The following ASIC2 variants were observed in gnomAD, a reference collection of about 807,000 sequenced individuals.
ASIC2 encodes acid-sensing ion channel 2.
ASIC2 carries 25 observed loss-of-function variants against 57.3 expected under a neutral mutation model. The ratio of observed to expected loss-of-function variants is 0.44; its 90% CI spans 0.32 to 0.61. ASIC2 has a LOEUF of 0.61. Ranked by LOEUF, ASIC2 falls within the 20% of genes least tolerant of loss-of-function variation. The pLI is 0.06. For missense variants in ASIC2, 641 were observed against 738.1 expected, an observed-to-expected ratio of 0.87 and a Z score of 1.52; for synonymous variants, 319 against 307.5, an observed-to-expected ratio of 1.04 and a Z score of -0.39.
At chr17:33,967,589 C>A (rs1213890471) in intron 1 of ASIC2, among the ~76,000 whole-genome samples, 1 of 152,174 alleles carries the variant, frequency 6.6e-6, no homozygotes, top group Non-Finnish European at 1.5e-5. Context: ...TTCAGTTACA[C>A]CCCACTGTTA....
At chr17:33,823,984 A>G (rs1912830835) in intron 1 of ASIC2, among the ~76,000 whole-genome samples, 1 of 152,120 alleles carries the variant, frequency 6.6e-6, no homozygotes, top group African/African-American at 2.4e-5. Flanking sequence ...GCTAAAACTG[A>G]GGAGAGTGGA....
chr17:34,113,578 GGAA>G (rs896375821), intron 1 of ASIC2, among the ~76,000 whole-genome samples: 4 of 149,982 alleles, frequency 2.7e-5, no homozygotes, highest in East Asian at 4.0e-4. Context: ...AAAAAAAAAA[GGAA>G]GAAGATGAAA....
intron 1 of ASIC2, among the ~76,000 whole-genome samples, chr17:33,526,148 T>A (rs1438672876): frequency 6.6e-6 from 1 of 152,184 alleles, no homozygotes; most frequent in Non-Finnish European, 1.5e-5. Flanking sequence ...TGTCAGGGAC[T>A]TCACATATCC....
chr17:33,458,205 G>GA (rs748899972), intron 1 of ASIC2, among the ~76,000 whole-genome samples: 1 of 152,156 alleles, frequency 6.6e-6, no homozygotes, highest in Non-Finnish European at 1.5e-5. Context: ...TGGGGAACAA[G>GA]AAACTAAGAA....
At chr17:33,717,184 T>C (rs186522267) in intron 1 of ASIC2, among the ~76,000 whole-genome samples, 1,639 of 152,204 alleles carry the variant, frequency 0.011, 10 homozygotes, top group Middle Eastern at 0.075. Context: ...ACAAAAAGGG[T>C]GTAATTACCA....
At chr17:33,054,249 G>GGGGA (rs2091988990) in intron 3 of ASIC2, among the ~76,000 whole-genome samples, 1 of 152,070 alleles carries the variant, frequency 6.6e-6, no homozygotes, top group Non-Finnish European at 1.5e-5. Flanking sequence ...TAAGCTTTTT[G>GGGGA]GGGAGGTAGG....
chr17:33,193,245 A>G (rs8079023), intron 1 of ASIC2, among the ~76,000 whole-genome samples: 42,013 of 151,922 alleles, frequency 0.28, 8,473 homozygotes, highest in African/African-American at 0.55. Context: ...GGATGAATCC[A>G]GAGATTAGGG....
intron 3 of ASIC2, among the ~76,000 whole-genome samples, chr17:33,051,653 C>T (rs753531998): frequency 2.0e-4 from 31 of 152,144 alleles, no homozygotes; most frequent in Non-Finnish European, 4.6e-4. Flanking sequence ...TAGTGAACTT[C>T]TTTGAGTATC....
Position 33,206,988 on chromosome 17 carries a change from T to C in ASIC2, c.708+84420A>G, listed in dbSNP as rs543878658. On this transcript the variant is annotated intron_variant, in intron 1 of 9. Coordinates refer to ENST00000225823, the MANE Select transcript of ASIC2 (RefSeq NM_183377.2). The stretch of plus-strand genomic sequence containing the variant: ...AGCAGCATCACTCCCCTGCCCTTTT[T>C]CTGAGGCTTTGTTTCCTCATCTGTC... 6.6e-5 allele frequency among the ~76,000 whole-genome samples: 10 copies of C among 152,330 alleles called. No individual in the cohort carries two copies. The South Asian group carries it at 1.9e-3, about 28-fold the overall frequency.
chr17:33,746,423 C>T (rs12326019), intron 1 of ASIC2, among the ~76,000 whole-genome samples: 4 of 134,040 alleles, frequency 3.0e-5, no homozygotes, highest in South Asian at 5.0e-4. Flanking sequence ...TCTGTAGATA[C>T]GTATATGAAT....
chr17:33,152,445 T>C (rs909228686), intron 1 of ASIC2, among the ~76,000 whole-genome samples: 2 of 152,176 alleles, frequency 1.3e-5, no homozygotes, highest in African/African-American at 4.8e-5. Flanking sequence ...GGTCTGAGTC[T>C]GGCCTCAAAG....
chr17:33,591,678 T>C (rs1039139539), intron 1 of ASIC2, among the ~76,000 whole-genome samples: 5 of 152,138 alleles, frequency 3.3e-5, no homozygotes, highest in African/African-American at 4.8e-5. Flanking sequence ...TCTCAGATCT[T>C]ATGTCTTGAC....
At chr17:33,069,748 T>G (rs535782248) in intron 3 of ASIC2, among the ~76,000 whole-genome samples, 1 of 152,352 alleles carries the variant, frequency 6.6e-6, no homozygotes, top group South Asian at 2.1e-4. Flanking sequence ...ATACATTTTT[T>G]CTGGGTAACC....
At position 33,588,601 on chromosome 17, in the gene ASIC2, C is replaced by T. The variant is rs183189619; in HGVS notation, c.556-476534G>A. Among the ~76,000 whole-genome samples the T allele has an allele frequency of 1.1e-3, 163 of 152,222 alleles. 1 individual carries two copies. The highest frequency in any genetic ancestry group is 7.3e-4 in the Non-Finnish European group (50 of 68,028). On this transcript the variant is annotated intron_variant, in intron 1 of 9. Transcript: ENST00000359872. Reference sequence around the variant, plus strand: ...CTCCTGCTCTCTTGAAGCTTACTGTCGAATGGGGAAGACAGAAAGAGTAAA... The same window carrying T: ...CTCCTGCTCTCTTGAAGCTTACTGTTGAATGGGGAAGACAGAAAGAGTAAA...
At chr17:33,134,105 G>A (rs1381807202) in intron 1 of ASIC2, among the ~76,000 whole-genome samples, 1 of 152,212 alleles carries the variant, frequency 6.6e-6, no homozygotes, top group African/African-American at 2.4e-5. Context: ...CAGAAGGTGA[G>A]GGGGAAGATA....
At chr17:33,353,109 T>C (rs1908248212) in intron 1 of ASIC2, among the ~76,000 whole-genome samples, 1 of 152,224 alleles carries the variant, frequency 6.6e-6, no homozygotes, top group Non-Finnish European at 1.5e-5. Flanking sequence ...TCAATAATTG[T>C]ATTGTGATTG....
At chr17:33,528,307 G>A (rs573141792) in intron 1 of ASIC2, among the ~76,000 whole-genome samples, 31 of 152,054 alleles carry the variant, frequency 2.0e-4, no homozygotes, top group African/African-American at 7.5e-4. Flanking sequence ...TGGGGAAAAA[G>A]GGAGGCCAAT....
At chr17:33,505,090 A>G (rs535983790) in intron 1 of ASIC2, among the ~76,000 whole-genome samples, 7 of 152,084 alleles carry the variant, frequency 4.6e-5, no homozygotes, top group Non-Finnish European at 8.8e-5. Context: ...AATAGATAAC[A>G]TTTATTATGG....
chr17:34,090,315 T>G (rs1051193151), intron 1 of ASIC2, among the ~76,000 whole-genome samples: 1 of 152,156 alleles, frequency 6.6e-6, no homozygotes, highest in Non-Finnish European at 1.5e-5. Flanking sequence ...AGAAGCACAG[T>G]GCCTATTGTA....
Sources: gnomAD v4.1 joint callset for allele counts (sites outside exome capture counted in the v4.1 genomes callset) on GRCh38, gnomAD v4.1.1 for gene constraint, MANE v1.5 for transcripts, NCBI Gene and HGNC (gene_info 2026-07-23, HGNC 2026-07-21) for gene names.